Variants in MAGI3 observed in about 807,000 individuals in gnomAD.
The protein encoded by MAGI3 is membrane-associated guanylate kinase, WW and PDZ domain-containing protein 3.
MAGI3 carries 43 observed loss-of-function variants against 121.8 expected under a neutral mutation model. That is an observed-to-expected ratio of 0.35 (90% CI 0.28 to 0.46). The LOEUF (loss-of-function observed/expected upper bound fraction) is 0.46, where lower values mean the gene tolerates loss of function less well. MAGI3 is among the 20% of genes least tolerant of loss of function. The probability of loss-of-function intolerance (pLI) is 1.00; values close to 1 mark genes in which losing one functional copy is unlikely to be tolerated. For missense variants in MAGI3, 1,547 were observed against 1,797.3 expected, an observed-to-expected ratio of 0.86 and a Z score of 2.52; for synonymous variants, 553 against 639.3, an observed-to-expected ratio of 0.86 and a Z score of 2.04.
intron 1 of MAGI3, among the ~76,000 whole-genome samples, chr1:113,524,148 A>G (rs1319267958): frequency 6.6e-6 from 1 of 152,206 alleles, no homozygotes; most frequent in African/African-American, 2.4e-5. Flanking sequence ...CCTAGATTTC[A>G]GAGGATTTAT....
At chr1:113,579,630 A>G (rs1487652836) in intron 2 of MAGI3, among the ~76,000 whole-genome samples, 3 of 152,126 alleles carry the variant, frequency 2.0e-5, no homozygotes, top group African/African-American at 7.2e-5. Context: ...GTAGCTGGGA[A>G]GAAGTAAAGG....
chr1:113,559,948 A>G (rs976325601), intron 2 of MAGI3, among the ~76,000 whole-genome samples: 3 of 152,132 alleles, frequency 2.0e-5, no homozygotes, highest in Non-Finnish European at 4.4e-5. Flanking sequence ...ACACCCACTG[A>G]CAATAGTAGG....
intron 1 of MAGI3, among the ~76,000 whole-genome samples, chr1:113,534,064 G>A (rs868316752): frequency 1.3e-5 from 2 of 152,216 alleles, no homozygotes; most frequent in Admixed American, 6.5e-5. Flanking sequence ...TTCACTTCAC[G>A]TCTCAGCTAA....
chr1:113,582,130 A>G (rs1440732207), intron 3 of MAGI3, among the ~76,000 whole-genome samples: 2 of 152,134 alleles, frequency 1.3e-5, no homozygotes, highest in African/African-American at 2.4e-5. Flanking sequence ...TAGATTGGCA[A>G]CAATTTTACA....
intron 1 of MAGI3, among the ~76,000 whole-genome samples, chr1:113,515,896 CTATTA>C (rs1230545635): frequency 6.6e-6 from 1 of 152,086 alleles, no homozygotes; most frequent in Non-Finnish European, 1.5e-5. Context: ...TTGAATTGTA[CTATTA>C]TAGATCAATT....
At chr1:113,454,878 G>A (rs1225214327) in intron 1 of MAGI3, among the ~76,000 whole-genome samples, 1 of 151,986 alleles carries the variant, frequency 6.6e-6, no homozygotes, top group Non-Finnish European at 1.5e-5. Flanking sequence ...TATCAACCTT[G>A]AAAAAGGGAA....
At chr1:113,553,473 G>A (rs1019472267) in intron 2 of MAGI3, among the ~76,000 whole-genome samples, 1 of 152,164 alleles carries the variant, frequency 6.6e-6, no homozygotes, top group African/African-American at 2.4e-5. Flanking sequence ...GGAGTTTTAA[G>A]TTTAACAATT....
chr1:113,682,786 C>G, intron 20 of MAGI3, 111 bp from the exon 21 acceptor site: 1 of 1,443,930 alleles, frequency 6.9e-7, no homozygotes, highest in Non-Finnish European at 9.1e-7. Flanking sequence ...ATAAAATACT[C>G]AGGCTTTTTA....
intron 1 of MAGI3, among the ~76,000 whole-genome samples, chr1:113,408,419 C>T (rs1651802834): frequency 6.6e-6 from 1 of 152,004 alleles, no homozygotes; most frequent in Non-Finnish European, 1.5e-5. Flanking sequence ...TGAAAATAAG[C>T]TGTTTTAGTT....
chr1:113,520,168 G>C (rs556664470), intron 1 of MAGI3, among the ~76,000 whole-genome samples: 5 of 151,630 alleles, frequency 3.3e-5, no homozygotes, highest in Admixed American at 1.3e-4. Flanking sequence ...TTTTGGAACA[G>C]ATGCTATTTT....
At chr1:113,452,687 A>G (rs1262749302) in intron 1 of MAGI3, among the ~76,000 whole-genome samples, 3 of 152,144 alleles carry the variant, frequency 2.0e-5, no homozygotes, top group Admixed American at 1.3e-4. Context: ...GTTGTTTTGT[A>G]TACTTTTTTC....
At chr1:113,406,579 G>C (rs1651694834) in intron 1 of MAGI3, among the ~76,000 whole-genome samples, 1 of 151,366 alleles carries the variant, frequency 6.6e-6, no homozygotes, top group Admixed American at 6.6e-5. Flanking sequence ...TCTTATTAAA[G>C]TATAAAAAAT....
intron 1 of MAGI3, among the ~76,000 whole-genome samples, chr1:113,448,271 A>G (rs1654283784): frequency 6.6e-6 from 1 of 152,222 alleles, no homozygotes; most frequent in Non-Finnish European, 1.5e-5. Flanking sequence ...TTGAAGATGT[A>G]TGTTACAACA....
At chr1:113,630,600 C>G (rs1651563341) in intron 9 of MAGI3, among the ~76,000 whole-genome samples, 1 of 152,168 alleles carries the variant, frequency 6.6e-6, no homozygotes, top group African/African-American at 2.4e-5. Flanking sequence ...AGCCCAGTAT[C>G]CGTGGTGTAT....
intron 7 of MAGI3, among the ~76,000 whole-genome samples, chr1:113,618,174 A>G (rs913601535): frequency 1.3e-5 from 2 of 152,080 alleles, no homozygotes; most frequent in African/African-American, 2.4e-5. Context: ...ACAAAAAAAA[A>G]AAATTTTTTT....
At chr1:113,600,409 G>A (rs904766876) in intron 6 of MAGI3, among the ~76,000 whole-genome samples, 5 of 151,000 alleles carry the variant, frequency 3.3e-5, no homozygotes, top group African/African-American at 1.2e-4. Flanking sequence ...AAAATCACAA[G>A]CATTCTTATA....
chr1:113,644,559 G>A (rs988166635), intron 11 of MAGI3, among the ~76,000 whole-genome samples: 17 of 152,164 alleles, frequency 1.1e-4, no homozygotes, highest in Non-Finnish European at 8.8e-5. Context: ...GGGATTACAG[G>A]CATGATACAC....
At chr1:113,602,129 G>A (rs867985717) in intron 6 of MAGI3, among the ~76,000 whole-genome samples, 9 of 151,932 alleles carry the variant, frequency 5.9e-5, no homozygotes, top group Non-Finnish European at 8.8e-5. Flanking sequence ...GCTAAATGAC[G>A]AGTTAATGGG....
chr1:113,680,551 A>G (rs1305226389), intron 19 of MAGI3, among the ~76,000 whole-genome samples: 1 of 152,054 alleles, frequency 6.6e-6, no homozygotes, highest in African/African-American at 2.4e-5. Flanking sequence ...AGGTCAGGAG[A>G]TCGAGACCAT....
Sources: allele counts gnomAD v4.1 joint callset (sites outside exome capture counted in the v4.1 genomes callset), GRCh38; gene constraint gnomAD v4.1.1; transcripts MANE v1.5; gene names NCBI Gene and HGNC (gene_info 2026-07-23, HGNC 2026-07-21).